The following DHRSX variants were observed in gnomAD, a reference collection of about 807,000 sequenced individuals.
The protein encoded by DHRSX is polyprenol dehydrogenase.
Under a neutral mutation model 34.0 loss-of-function variants are expected in DHRSX, and 31 were observed. That is an observed-to-expected ratio of 0.91 (90% CI 0.69 to 1.23). DHRSX has a LOEUF of 1.23. Among genes scored for constraint, DHRSX ranks in the 50% most tolerant of loss-of-function variants. DHRSX has a pLI of 0.00. For missense variants in DHRSX, 414 were observed against 428.1 expected, an observed-to-expected ratio of 0.97 and a Z score of 0.29; for synonymous variants, 201 against 183.8, an observed-to-expected ratio of 1.09 and a Z score of -0.76.
chrX:2,418,329 A>G (rs1261694842), intron 2 of DHRSX, among the ~76,000 whole-genome samples: 1 of 152,064 alleles, frequency 6.6e-6, no homozygotes, highest in East Asian at 1.9e-4. Context: ...ATACAACTAG[A>G]CTTCATCATG....
intron 3 of DHRSX, 32 bp downstream of exon 3, chrX:2,408,710 AAAC>A: frequency 6.3e-7 from 1 of 1,581,738 alleles, no homozygotes; most frequent in Non-Finnish European, 8.6e-7. Flanking sequence ...GGAAAAAAAA[AAAC>A]AAAAAAAAGC....
chrX:2,388,386 TG>T (rs2043296465), intron 3 of DHRSX, among the ~76,000 whole-genome samples: 1 of 151,840 alleles, frequency 6.6e-6, no homozygotes, highest in African/African-American at 2.4e-5. Context: ...TTCAGGGGGT[TG>T]GGGGGAGGCT....
intron 2 of DHRSX, among the ~76,000 whole-genome samples, chrX:2,420,160 G>A (rs2043758272): frequency 6.6e-6 from 1 of 151,782 alleles, no homozygotes; most frequent in South Asian, 2.1e-4. Context: ...TGTAATCCCA[G>A]CACTTTGGGA....
At chrX:2,271,057 G>A (rs1189116523) in intron 4 of DHRSX, among the ~76,000 whole-genome samples, 3 of 152,154 alleles carry the variant, frequency 2.0e-5, no homozygotes, top group Non-Finnish European at 4.4e-5. Context: ...TCCACGTTGT[G>A]GAAACTTTGT....
At chrX:2,360,348 G>C (rs2042914320) in intron 3 of DHRSX, among the ~76,000 whole-genome samples, 1 of 152,206 alleles carries the variant, frequency 6.6e-6, no homozygotes, top group Admixed American at 6.5e-5. Flanking sequence ...ACTTTGGGAG[G>C]CCAAGGTGGG....
intron 1 of DHRSX, chrX:2,500,279 C>G (rs1174275838): frequency 2.3e-5 from 4 of 175,952 alleles, no homozygotes; most frequent in Admixed American, 1.6e-4. Context: ...CCTCTGGAGA[C>G]GTCCTCCGGA....
chrX:2,339,831 G>A (rs1333687966), intron 3 of DHRSX, among the ~76,000 whole-genome samples: 4 of 152,004 alleles, frequency 2.6e-5, no homozygotes, highest in South Asian at 2.1e-4. Flanking sequence ...ATAAACATAC[G>A]TGTGCATGTG....
At chrX:2,333,662 C>T (rs752107679) in intron 3 of DHRSX, among the ~76,000 whole-genome samples, 16 of 152,174 alleles carry the variant, frequency 1.1e-4, no homozygotes, top group African/African-American at 7.2e-5. Flanking sequence ...ATCTGCCCAC[C>T]TCGGCCTCCC....
chrX:2,303,785 A>G (rs780314447), intron 3 of DHRSX, among the ~76,000 whole-genome samples: 97 of 54,892 alleles, frequency 1.8e-3, no homozygotes, highest in Middle Eastern at 0.012. Flanking sequence ...GGATGGATGG[A>G]TGGATGGGTG....
chrX:2,452,912 G>A (rs2044245146), intron 1 of DHRSX, among the ~76,000 whole-genome samples: 1 of 152,198 alleles, frequency 6.6e-6, no homozygotes. Flanking sequence ...CCCATCAATG[G>A]GATACCTGCC....
chrX:2,491,925 C>T (rs2045158443), intron 1 of DHRSX, among the ~76,000 whole-genome samples: 1 of 152,174 alleles, frequency 6.6e-6, no homozygotes, highest in South Asian at 2.1e-4. Flanking sequence ...AGCTGCCACT[C>T]AGGAGGCCAC....
At chrX:2,405,919 A>G (rs73191356) in intron 3 of DHRSX, among the ~76,000 whole-genome samples, 34,517 of 78,320 alleles carry the variant, frequency 0.44, 4,752 homozygotes, top group East Asian at 0.64. Flanking sequence ...AAAAAAAAAA[A>G]TAAGGTACCA....
rs764645362 is a variant in DHRSX, at chrX:2,479,813, G to C, written c.109+21004C>G. Among the ~76,000 whole-genome samples the C allele has an allele frequency of 6.6e-5, 10 of 150,790 alleles. No homozygotes were observed. The South Asian group carries it at 2.1e-3, about 32-fold the overall frequency. On this transcript the variant is annotated intron_variant, in intron 1 of 6. Transcript: ENST00000334651. ...TCCCTAAGCATGCAGCAAAGGGACT[G>C]CCACCGTGTACACACTGAAGACATT...
intron 3 of DHRSX, among the ~76,000 whole-genome samples, chrX:2,383,335 CATT>C (rs1334638890): frequency 3.3e-5 from 5 of 151,616 alleles, no homozygotes; most frequent in East Asian, 1.9e-4. Flanking sequence ...TCACCATCAT[CATT>C]ATCACATCAG....
chrX:2,339,740 G>A (rs1409946022), intron 3 of DHRSX, among the ~76,000 whole-genome samples: 1 of 151,990 alleles, frequency 6.6e-6, no homozygotes, highest in Non-Finnish European at 1.5e-5. Context: ...TGGTGTCTAT[G>A]TGCCACATTT....
intron 2 of DHRSX, among the ~76,000 whole-genome samples, chrX:2,418,126 A>C (rs2043719218): frequency 6.6e-6 from 1 of 151,956 alleles, no homozygotes; most frequent in Admixed American, 6.6e-5. Context: ...TAAATAAGTC[A>C]CACATCATCA....
At chrX:2,429,160 C>T (rs2043886015) in intron 1 of DHRSX, among the ~76,000 whole-genome samples, 1 of 151,966 alleles carries the variant, frequency 6.6e-6, no homozygotes, top group Non-Finnish European at 1.5e-5. Flanking sequence ...TGTTCCTGAC[C>T]CAAGCTGAGG....
intron 3 of DHRSX, among the ~76,000 whole-genome samples, chrX:2,364,588 G>A (rs139958115): frequency 0.012 from 1,862 of 152,002 alleles, 38 homozygotes; most frequent in African/African-American, 0.042. Context: ...CTTATCTACC[G>A]TCTATCATTT....
At chrX:2,482,793 C>T (rs1196036003) in intron 1 of DHRSX, among the ~76,000 whole-genome samples, 2 of 152,034 alleles carry the variant, frequency 1.3e-5, no homozygotes, top group Non-Finnish European at 2.9e-5. Flanking sequence ...AATAGGAGTC[C>T]GGTGACCTCG....
Sources: gnomAD v4.1 joint callset for allele counts (sites outside exome capture counted in the v4.1 genomes callset) on GRCh38, gnomAD v4.1.1 for gene constraint, MANE v1.5 for transcripts, NCBI Gene and HGNC (gene_info 2026-07-23, HGNC 2026-07-21) for gene names.